TTLL11: variants seen among roughly 807,000 people sequenced by gnomAD.
TTLL11 encodes the protein tubulin tyrosine ligase like 11.
Under a neutral mutation model 51.7 loss-of-function variants are expected in TTLL11, and 42 were observed. The ratio of observed to expected loss-of-function variants is 0.81; its 90% confidence interval spans 0.64 to 1.05. TTLL11 has a LOEUF of 1.05. Ranked by LOEUF, TTLL11 falls within the 50% of genes least tolerant of loss-of-function variation. The pLI, the probability that TTLL11 is intolerant of heterozygous loss-of-function variation, is 0.00. For missense variants in TTLL11, 799 were observed against 940.4 expected, an observed-to-expected ratio of 0.85 and a Z score of 1.97; for synonymous variants, 381 against 383.5, an observed-to-expected ratio of 0.99 and a Z score of 0.08.
intron 3 of TTLL11, among the ~76,000 whole-genome samples, chr9:122,025,676 T>C (rs577716306): frequency 6.6e-6 from 1 of 152,198 alleles, no homozygotes; most frequent in Non-Finnish European, 1.5e-5. Flanking sequence ...TATGGAGGAA[T>C]TGGAATGTTC....
chr9:121,978,638 A>T (rs1842766801), intron 4 of TTLL11, among the ~76,000 whole-genome samples: 1 of 152,146 alleles, frequency 6.6e-6, no homozygotes, highest in Non-Finnish European at 1.5e-5. Flanking sequence ...TTAAATCAGC[A>T]ATTATGTGTT....
chr9:121,870,691 C>T lies in TTLL11; in HGVS notation c.1539G>A (p.Leu513=). The T allele has an allele frequency of 6.4e-7, 1 of 1,551,612 alleles. No individual in the cohort carries two copies. The highest frequency in any genetic ancestry group is 8.7e-7 in the Non-Finnish European group (1 of 1,146,908). The part of the protein sequence containing the change: ...AGKEDALDGE[L]TSAPDCNANP... ...TGGCGTTGCAGTCTGGAGCACTGGTCAGCTCGCCGTCCAAAGCATCTTCCT... is the reference window on the plus strand; with the variant it reads ...TGGCGTTGCAGTCTGGAGCACTGGTTAGCTCGCCGTCCAAAGCATCTTCCT... The change falls in exon 7 of 9, where the codon CTG becomes CTA. Residue 513 remains leucine (L), a synonymous_variant. Transcript: ENST00000321582.
intron 6 of TTLL11, among the ~76,000 whole-genome samples, chr9:121,962,987 T>C (rs1842284335): frequency 6.6e-6 from 1 of 152,238 alleles, no homozygotes; most frequent in African/African-American, 2.4e-5. Context: ...TTTCATGTGC[T>C]AAATATCTGC....
intron 3 of TTLL11, among the ~76,000 whole-genome samples, chr9:122,020,826 C>A (rs1410213272): frequency 2.0e-5 from 3 of 152,194 alleles, no homozygotes; most frequent in Non-Finnish European, 2.9e-5. Context: ...AGGAAGAGGG[C>A]CCTCACCAGA....
intron 4 of TTLL11, among the ~76,000 whole-genome samples, chr9:121,981,965 A>G (rs1288530694): frequency 1.3e-5 from 2 of 152,116 alleles, no homozygotes; most frequent in Non-Finnish European, 2.9e-5. Flanking sequence ...TTAACCCTCC[A>G]TATATGCATG....
rs1056956450 is a variant in TTLL11, at chr9:122,069,017, C to T, written c.462+23670G>A. Among the ~76,000 whole-genome samples the T allele has an allele frequency of 1.4e-4, 22 of 152,130 alleles. 1 individual carries two copies. The highest frequency in any genetic ancestry group is 8.8e-5 in the Non-Finnish European group (6 of 68,028). On this transcript the variant is annotated intron_variant, in intron 1 of 8. Coordinates refer to ENST00000321582, the MANE Select transcript of TTLL11 (RefSeq NM_001139442.2). ...GACGACCCTGCCAAGGTGAAAGTGG[C>T]GCATATCACAAGAGTAAGAAATAGA...
intron 8 of TTLL11, among the ~76,000 whole-genome samples, chr9:121,851,447 T>C (rs1333183403): frequency 2.6e-5 from 4 of 152,254 alleles, no homozygotes; most frequent in Non-Finnish European, 5.9e-5. Context: ...CTGTACTATC[T>C]GCTCAATTTT....
At chr9:121,988,481 A>G (rs4837931) in intron 4 of TTLL11, among the ~76,000 whole-genome samples, 2 of 150,404 alleles carry the variant, frequency 1.3e-5, no homozygotes, top group South Asian at 4.2e-4. Flanking sequence ...AACCTCTTCC[A>G]GTGCCTCCTG....
rs147868543 is a variant in TTLL11, at chr9:121,832,810, C to T, written c.1841-9931G>A. On this transcript the variant is annotated intron_variant, in intron 8 of 8. Coordinates refer to ENST00000321582, the MANE Select transcript of TTLL11 (RefSeq NM_001139442.2). Reference sequence around the variant, plus strand: ...CAAAAATTAACTAGGCATGGTGGCACGCACCTGAAGTCCCAGCTACTCAGG... The same window carrying T: ...CAAAAATTAACTAGGCATGGTGGCATGCACCTGAAGTCCCAGCTACTCAGG... 8.7e-4 allele frequency among the ~76,000 whole-genome samples: 133 copies of T among 152,236 alleles called. 1 individual carries two copies. The highest frequency in any genetic ancestry group is 2.9e-3 in the African/African-American group (120 of 41,544).
chr9:121,842,729 G>A (rs375100216), intron 8 of TTLL11, among the ~76,000 whole-genome samples: 1 of 152,176 alleles, frequency 6.6e-6, no homozygotes, highest in Non-Finnish European at 1.5e-5. Flanking sequence ...CAGATGGTTT[G>A]TGAGATTCTC....
At chr9:121,851,779 G>A (rs957316073) in intron 8 of TTLL11, among the ~76,000 whole-genome samples, 2 of 152,236 alleles carry the variant, frequency 1.3e-5, no homozygotes, top group Non-Finnish European at 2.9e-5. Context: ...TAAAGTGTGT[G>A]CAAACAATTT....
At chr9:121,913,683 G>A (rs1331610545) in intron 6 of TTLL11, among the ~76,000 whole-genome samples, 2 of 152,164 alleles carry the variant, frequency 1.3e-5, no homozygotes, top group African/African-American at 2.4e-5. Context: ...ATAAAACCAG[G>A]ACACTACTGA....
chr9:122,025,926 G>A (rs534956473), intron 3 of TTLL11, among the ~76,000 whole-genome samples: 2 of 152,160 alleles, frequency 1.3e-5, no homozygotes, highest in African/African-American at 4.8e-5. Context: ...GCAAACTGTG[G>A]TATAAACATT....
rs1298801267 is a variant in TTLL11 at position 121,820,619 on chromosome 9, C to G, written c.*1968G>C. On this transcript the variant is annotated 3_prime_UTR_variant, in exon 9 of 9. Coordinates refer to ENST00000321582, the MANE Select transcript of TTLL11 (RefSeq NM_001139442.2). ...GAGCCAAAGACAGACACACCTGGAC[C>G]AAGTCCTGACTACATGGCCTCCTGG... 2.6e-5 allele frequency among the ~76,000 whole-genome samples: 4 copies of G among 152,086 alleles called. No individual in the cohort carries two copies. The highest frequency in any genetic ancestry group is 5.9e-5 in the Non-Finnish European group (4 of 68,022).
intron 3 of TTLL11, among the ~76,000 whole-genome samples, chr9:122,013,784 A>G (rs936272482): frequency 6.6e-6 from 1 of 152,196 alleles, no homozygotes; most frequent in African/African-American, 2.4e-5. Flanking sequence ...CCCAGGCTAC[A>G]CTGACCCCAG....
intron 6 of TTLL11, among the ~76,000 whole-genome samples, chr9:121,925,406 C>T (rs745541828): frequency 7.2e-5 from 11 of 152,326 alleles, no homozygotes; most frequent in East Asian, 3.9e-4. Flanking sequence ...CCATCCATCT[C>T]GCCAGCCTTC....
rs189950359 is a variant in TTLL11, at chr9:121,961,559, C to T, written c.1481+12450G>A. ...CACTCTTCTACTCTACATTGAAAAC[C>T]AGAGTACATCTCTATTCCTGCTGCC... On this transcript the variant is annotated intron_variant, in intron 6 of 8. Transcript: ENST00000321582. Among the ~76,000 whole-genome samples the T allele has an allele frequency of 1.4e-3, 218 of 152,276 alleles. 1 individual carries two copies. Among genetic ancestry groups the T allele is most frequent in the African/African-American group, 4.9e-3 (204 of 41,544 alleles).
rs1422634625 is a variant in TTLL11, at chr9:121,853,376, G to A, written c.1840+6961C>T. Among the ~76,000 whole-genome samples, 3 of 151,864 alleles carry A rather than the reference G, an allele frequency of 2.0e-5. No homozygotes were observed. The highest frequency in any genetic ancestry group is 2.1e-4 in the South Asian group (1 of 4,802). ...CTGGGTGCTGCGGAGCAGGTGAGAC[G>A]GTACTGGGCCCAGCCTGAGCACTGG... On this transcript the variant is annotated intron_variant, in intron 8 of 8. Transcript: ENST00000321582. The surrounding 1 kb of genome is among the most constrained non-coding windows in gnomAD (Gnocchi z 5.6).
chr9:122,031,606 T>C (rs1027795406), intron 3 of TTLL11, 117 bp downstream of exon 3: 10 of 1,262,852 alleles, frequency 7.9e-6, no homozygotes, highest in Non-Finnish European at 9.8e-6. Flanking sequence ...ACTGTTAAGA[T>C]GCTCCCTTAG....
Sources: gnomAD v4.1 joint callset for allele counts (sites outside exome capture counted in the v4.1 genomes callset) on GRCh38, gnomAD v4.1.1 for gene constraint, Gnocchi (gnomAD v3.1) non-coding constraint, MANE v1.5 for transcripts, NCBI Gene and HGNC (gene_info 2026-07-23, HGNC 2026-07-21) for gene names.